Variants in BTBD8 observed in about 807,000 individuals in gnomAD.
BTBD8 encodes BTB/POZ domain-containing protein 8.
In BTBD8, 110 loss-of-function variants were observed where a neutral mutation model predicts 162.9. That is an observed-to-expected ratio of 0.68 (90% CI 0.58 to 0.79). The LOEUF (loss-of-function observed/expected upper bound fraction) is 0.79, where lower values mean the gene tolerates loss of function less well. Ranked by LOEUF, BTBD8 falls within the 30% of genes least tolerant of loss-of-function variation. The pLI, the probability that BTBD8 is intolerant of heterozygous loss-of-function variation, is 0.00. For synonymous variants in BTBD8, 667 were observed against 716.1 expected (o/e 0.93, Z 1.10); for missense variants, 1,905 against 2,085.4 (o/e 0.91, Z 1.68).
At chr1:92,154,958 GA>G (rs1268622582) in intron 9 of BTBD8, among the ~76,000 whole-genome samples, 1 of 152,148 alleles carries the variant, frequency 6.6e-6, no homozygotes, top group Non-Finnish European at 1.5e-5. Flanking sequence ...CGATAAGGGT[GA>G]AATTGTATTC....
intron 9 of BTBD8, chr1:92,150,475 G>A (rs1324900173): frequency 6.6e-6 from 1 of 152,184 alleles, no homozygotes; most frequent in Non-Finnish European, 1.5e-5. Flanking sequence ...AAATGTGGCA[G>A]GTTCATGGAA....
intron 3 of BTBD8, among the ~76,000 whole-genome samples, chr1:92,103,965 G>A (rs1648660405): frequency 6.6e-6 from 1 of 152,160 alleles, no homozygotes; most frequent in African/African-American, 2.4e-5. Flanking sequence ...AGATATAGAT[G>A]GGTGTGTCTC....
chr1:92,091,935 C>T (rs534940204), intron 2 of BTBD8, among the ~76,000 whole-genome samples: 1 of 152,230 alleles, frequency 6.6e-6, no homozygotes, highest in East Asian at 1.9e-4. Flanking sequence ...ATTGTCTGGA[C>T]ACTCTTACTG....
In BTBD8 at chr1:92,168,890, C is replaced by T. The variant is rs1248273756; in HGVS notation, c.1468C>T (p.Leu490=). Residue 490 remains leucine (L), a synonymous_variant, in exon 12 of 18, where the codon CTG becomes TTG. Coordinates refer to ENST00000636805, the MANE Select transcript of BTBD8 (RefSeq NM_001376131.1). ...GGGTTTTACGTGCAAGATCCAGGCT[C>T]TGCGTGATAAGCTGTGGATCTTCCT... The part of the protein sequence containing the change: ...EMGFTCKIQA[L]RDKLWIFLVQ... 11 of 1,538,718 alleles carry T rather than the reference C, an allele frequency of 7.1e-6. No individual in the cohort carries two copies. In the East Asian group the frequency reaches 9.8e-5, roughly 14 times the overall value.
chr1:92,166,364 T>A (rs1650385475), intron 9 of BTBD8, among the ~76,000 whole-genome samples: 2 of 152,128 alleles, frequency 1.3e-5, no homozygotes, highest in Admixed American at 1.3e-4. Context: ...AACTCAAATT[T>A]TTCTTTCTAG....
intron 7 of BTBD8, among the ~76,000 whole-genome samples, chr1:92,146,680 G>A (rs966466506): frequency 3.9e-5 from 6 of 152,074 alleles, no homozygotes; most frequent in South Asian, 2.1e-4. Flanking sequence ...GTTTTTTTCC[G>A]GGATGTAATA....
In BTBD8 at chr1:92,181,755, T is replaced by C. The variant is rs1650915473; in HGVS notation, c.4072T>C (p.Ser1358Pro). Residue 1358 changes from serine to proline, a missense_variant, in exon 17 of 18, where the codon TCT becomes CCT. Physicochemically the swap from Ser to Pro is moderately conservative, Grantham distance 74 (BLOSUM62 -1). Coordinates refer to ENST00000636805, the MANE Select transcript of BTBD8 (RefSeq NM_001376131.1). ...EIWSRSAIVH[S>P]RERENIPRGS... ...TTGGTCTCGATCTGCAATAGTTCAC[T>C]CTAGGGAAAGAGAAAATATTCCACG... 4 of 1,551,470 alleles carry C rather than the reference T, an allele frequency of 2.6e-6. No individual in the cohort carries two copies. The highest frequency in any genetic ancestry group is 3.5e-6 in the Non-Finnish European group (4 of 1,146,956).
intron 12 of BTBD8, among the ~76,000 whole-genome samples, chr1:92,169,957 T>C (rs1650489133): frequency 6.6e-6 from 1 of 152,162 alleles, no homozygotes; most frequent in Non-Finnish European, 1.5e-5. Context: ...TTTTTTTCCT[T>C]GTGACTATTT....
chr1:92,167,196 A>T, intron 10 of BTBD8, 56 bp downstream of exon 10: 1 of 1,530,978 alleles, frequency 6.5e-7, no homozygotes, highest in Non-Finnish European at 8.8e-7. Context: ...TCTGATTTCA[A>T]TTATGTAAGA....
Position 92,176,975 on chromosome 1 carries a change from T to C in BTBD8, c.1782T>C (p.Asn594=), listed in dbSNP as rs1167326953. 7.1e-6 allele frequency: 11 copies of C among 1,547,580 alleles called. No homozygotes were observed. The highest frequency in any genetic ancestry group is 1.2e-5 in the South Asian group (1 of 83,468). ...LGASGHSSST[N]RNSINKTLKQ... is the part of the protein sequence containing the mutation. ...CATCTGGACATTCGTCAAGTACCAA[T>C]AGAAATAGTATAAATAAAACTCTGA... Residue 594 remains asparagine, a synonymous_variant, in exon 14 of 18, where the codon AAT becomes AAC. Transcript: ENST00000636805.
chr1:92,127,838 G>A (rs1267642284), intron 4 of BTBD8, among the ~76,000 whole-genome samples: 1 of 152,152 alleles, frequency 6.6e-6, no homozygotes, highest in Non-Finnish European at 1.5e-5. Flanking sequence ...TGGGATTACA[G>A]GTGTGAGCCA....
rs1570753562 is a variant in BTBD8, at chr1:92,166,956, A to G, written c.1123-2A>G. ...ACTTTCCAATTTTTTTTTAAATCTA[A>G]GAATGATAAGAATGCTGCTTTTCTT... On this transcript the variant is annotated splice_acceptor_variant, in intron 9 of 17. Transcript: ENST00000636805. LOFTEE classifies it high-confidence loss of function. 2.0e-6 allele frequency: 3 copies of G among 1,537,220 alleles called. No homozygotes were observed. The East Asian group carries it at 7.4e-5, about 38-fold the overall frequency.
intron 5 of BTBD8, among the ~76,000 whole-genome samples, chr1:92,138,928 C>A (rs148442234): frequency 6.6e-6 from 1 of 152,158 alleles, no homozygotes. Flanking sequence ...ACAGGTGTTA[C>A]AAATTAAGAA....
At chr1:92,140,146 G>C (rs978910929) in intron 6 of BTBD8, among the ~76,000 whole-genome samples, 3 of 150,898 alleles carry the variant, frequency 2.0e-5, no homozygotes, top group African/African-American at 7.3e-5. Flanking sequence ...CATTTGCCAG[G>C]CGTGATGGCT....
intron 4 of BTBD8, chr1:92,114,940 G>A (rs895882967): frequency 6.7e-6 from 2 of 298,200 alleles, no homozygotes; most frequent in African/African-American, 4.5e-5. Context: ...GGAAGAGTTG[G>A]TGTCACTGTT....
intron 5 of BTBD8, among the ~76,000 whole-genome samples, chr1:92,136,342 C>CTTTTTTTT (rs903844214): frequency 7.1e-6 from 1 of 141,684 alleles, no homozygotes. Flanking sequence ...TTATTTTCTT[C>CTTTTTTTT]TTTTTTTTTT....
chr1:92,095,195 C>A (rs955270053), intron 2 of BTBD8, among the ~76,000 whole-genome samples: 3 of 152,206 alleles, frequency 2.0e-5, no homozygotes, highest in Non-Finnish European at 4.4e-5. Flanking sequence ...AGATAACATT[C>A]TTTTCCCCTA....
intron 13 of BTBD8, among the ~76,000 whole-genome samples, chr1:92,176,168 T>G (rs1178151786): frequency 6.6e-6 from 1 of 152,194 alleles, no homozygotes; most frequent in Non-Finnish European, 1.5e-5. Flanking sequence ...CACAGAGGAT[T>G]AAGTCTTTAA....
At chr1:92,124,794 A>G (rs907841252) in intron 4 of BTBD8, among the ~76,000 whole-genome samples, 8 of 152,246 alleles carry the variant, frequency 5.3e-5, no homozygotes, top group Admixed American at 5.2e-4. Context: ...ATAGAATGGT[A>G]ATTCAAAAGA....
Sources: gnomAD v4.1 joint callset for allele counts (sites outside exome capture counted in the v4.1 genomes callset) on GRCh38, gnomAD v4.1.1 for gene constraint, MANE v1.5 for transcripts, NCBI Gene and HGNC (gene_info 2026-07-23, HGNC 2026-07-21) for gene names.